TLN2: variants seen among roughly 807,000 people sequenced by gnomAD.
TLN2 encodes the protein talin-2.
TLN2 carries 118 observed loss-of-function variants against 294.7 expected under a neutral mutation model. The observed-to-expected ratio is 0.40, with a 90% CI of 0.34 to 0.47. The LOEUF (loss-of-function observed/expected upper bound fraction) is 0.47, where lower values mean the gene tolerates loss of function less well. Ranked by LOEUF, TLN2 falls within the 20% of genes least tolerant of loss-of-function variation. The pLI, the probability that TLN2 is intolerant of heterozygous loss-of-function variation, is 0.84. For synonymous variants in TLN2, 1,431 were observed against 1,304.5 expected (o/e 1.10, Z -2.09); for missense variants, 3,083 against 3,282.2 (o/e 0.94, Z 1.48).
At chr15:62,520,218 G>T (rs1457891662) in intron 1 of TLN2, among the ~76,000 whole-genome samples, 3 of 152,222 alleles carry the variant, frequency 2.0e-5, no homozygotes, top group Non-Finnish European at 4.4e-5. Context: ...CCATATCAGT[G>T]TCTAAAATCA....
At chr15:62,748,487 GTCTGTGTC>G in intron 33 of TLN2, 43 bp downstream of exon 33, 1 of 1,417,218 alleles carries the variant, frequency 7.1e-7, no homozygotes. Flanking sequence ...GAGAGGGAGT[GTCTGTGTC>G]TGTGTGTCTG....
At chr15:62,730,801 T>G (rs1246460624) in intron 28 of TLN2, among the ~76,000 whole-genome samples, 5 of 152,214 alleles carry the variant, frequency 3.3e-5, no homozygotes, top group Non-Finnish European at 7.3e-5. Context: ...TGGAGGAGTT[T>G]CCCTGCATAT....
rs201494830 is a variant in TLN2, at chr15:62,738,378, C to T, written c.3687+45C>T. On this transcript the variant is annotated intron_variant, in intron 30 of 58. Transcript: ENST00000636159. ...AGAAAGGACACTGGGGGACTAGGCTCGCGTTAGGTGTGAGTGAAGTCTTCT... is the reference window on the plus strand; with the variant it reads ...AGAAAGGACACTGGGGGACTAGGCTTGCGTTAGGTGTGAGTGAAGTCTTCT... 1.1e-4 allele frequency: 184 copies of T among 1,607,370 alleles called. 2 individuals carry two copies. Among genetic ancestry groups the T allele is most frequent in the Admixed American group, 8.0e-4 (48 of 59,676 alleles).
chr15:62,519,511 C>T (rs575393399), intron 1 of TLN2, among the ~76,000 whole-genome samples: 1 of 152,274 alleles, frequency 6.6e-6, no homozygotes, highest in South Asian at 2.1e-4. Context: ...ATAAGCTTAA[C>T]CTTGGAAGCT....
chr15:62,666,333 A>G (rs2054636714), intron 9 of TLN2, among the ~76,000 whole-genome samples: 1 of 152,160 alleles, frequency 6.6e-6, no homozygotes, highest in Admixed American at 6.5e-5. Flanking sequence ...CTTTTCCCTC[A>G]TGACTGGGAT....
intron 1 of TLN2, among the ~76,000 whole-genome samples, chr15:62,394,130 T>C (rs188903234): frequency 2.1e-4 from 32 of 152,340 alleles, no homozygotes; most frequent in African/African-American, 7.5e-4. Context: ...CTTGCATTTT[T>C]TTCCTTTTAA....
intron 23 of TLN2, 62 bp downstream of exon 23, chr15:62,716,521 G>A: frequency 6.5e-7 from 1 of 1,531,868 alleles, no homozygotes; most frequent in Admixed American, 2.2e-5. Context: ...TATTTGAAAA[G>A]ATAGTTGAAT....
At chr15:62,468,318 TTGGC>T (rs1283560368) in intron 1 of TLN2, among the ~76,000 whole-genome samples, 1 of 152,138 alleles carries the variant, frequency 6.6e-6, no homozygotes, top group Non-Finnish European at 1.5e-5. Context: ...GACAAGGGTG[TTGGC>T]TGTGGGGTCC....
chr15:62,588,132 C>G (rs539608218), intron 1 of TLN2, among the ~76,000 whole-genome samples: 47 of 152,142 alleles, frequency 3.1e-4, no homozygotes, highest in Non-Finnish European at 2.5e-4. Context: ...TGCCCGCCTT[C>G]GCCTCCCAAA....
intron 1 of TLN2, among the ~76,000 whole-genome samples, chr15:62,446,679 G>T (rs1274369163): frequency 2.8e-5 from 4 of 144,984 alleles, no homozygotes; most frequent in Non-Finnish European, 1.5e-5. Context: ...ACATTTTTTT[G>T]TATTCTAAGA....
intron 2 of TLN2, among the ~76,000 whole-genome samples, chr15:62,604,116 T>TA (rs2047217726): frequency 3.3e-5 from 5 of 152,182 alleles, no homozygotes; most frequent in Admixed American, 3.3e-4. Context: ...CTTAACCCTT[T>TA]AAAATTATAA....
rs2058435334 is a variant in TLN2, at chr15:62,697,593, A to C, written c.1293-95A>C. The stretch of plus-strand genomic sequence containing the variant: ...GCCTCTTTTAGTTGGCCTTCACAGC[A>C]TAAAGCAGGGAACATACGTGACATC... On this transcript the variant is annotated intron_variant, in intron 14 of 58. Coordinates refer to ENST00000636159, the MANE Select transcript of TLN2 (RefSeq NM_015059.3). 1.3e-5 allele frequency: 18 copies of C among 1,401,206 alleles called. No individual in the cohort carries two copies. In the South Asian group the frequency reaches 1.4e-4, roughly 11 times the overall value. The allele number at this position is 1,401,206 out of a possible 1,614,324, so 86.8% of individuals were successfully genotyped here.
chr15:62,597,926 TG>T (rs1357945288), intron 2 of TLN2, among the ~76,000 whole-genome samples: 11 of 152,348 alleles, frequency 7.2e-5, no homozygotes, highest in African/African-American at 2.4e-4. Flanking sequence ...ATTTTCCACT[TG>T]TGGTGTCTTG....
rs754119060 is a variant in TLN2, at chr15:62,707,153, A to G, written c.2072A>G (p.Asn691Ser). 6.2e-7 allele frequency: 1 copy of G among 1,614,244 alleles called. No individual in the cohort carries two copies. Among genetic ancestry groups the G allele is most frequent in the Non-Finnish European group, 8.5e-7 (1 of 1,180,034 alleles). Residue 691 changes from asparagine (N) to serine (S), a missense_variant, in exon 20 of 59, where the codon AAT becomes AGT. Asn to Ser is a conservative substitution (Grantham distance 46, BLOSUM62 1). Coordinates refer to ENST00000636159, the MANE Select transcript of TLN2 (RefSeq NM_015059.3). ...AAAMLVLKAK[N>S]VAQVAEDTVL... ...GCCATGTTGGTACTAAAGGCAAAGA[A>G]TGTTGCCCAAGTGGCCGAAGACACT...
intron 51 of TLN2, among the ~76,000 whole-genome samples, chr15:62,806,385 T>C (rs1241452716): frequency 6.6e-6 from 1 of 152,004 alleles, no homozygotes; most frequent in Non-Finnish European, 1.5e-5. Context: ...CCGAGGGTGG[T>C]GGATAGGGAT....
chr15:62,622,738 T>C (rs532773957), intron 3 of TLN2, among the ~76,000 whole-genome samples: 3 of 152,358 alleles, frequency 2.0e-5, no homozygotes, highest in African/African-American at 7.2e-5. Flanking sequence ...ACATTGATTT[T>C]GTTTTGTTTT....
chr15:62,398,346 C>A (rs2032734035), intron 1 of TLN2, among the ~76,000 whole-genome samples: 1 of 152,166 alleles, frequency 6.6e-6, no homozygotes, highest in Admixed American at 6.5e-5. Flanking sequence ...CTGCCCCCTG[C>A]CCCAGCCATG....
intron 3 of TLN2, among the ~76,000 whole-genome samples, chr15:62,636,027 G>A (rs1379283204): frequency 6.6e-6 from 1 of 152,116 alleles, no homozygotes; most frequent in East Asian, 1.9e-4. Context: ...GGGTTATGTT[G>A]AGGATTCAGT....
At position 62,702,155 on chromosome 15, in the gene TLN2, G is replaced by A; in HGVS notation, c.1860G>A (p.Gly620=). The change falls in exon 18 of 59, where the codon GGG becomes GGA. Residue 620 remains glycine, a synonymous_variant. Coordinates refer to ENST00000636159, the MANE Select transcript of TLN2 (RefSeq NM_015059.3). ...DLLRAARTLA[G]AVSDLLKAVQ... is the part of the protein sequence containing the mutation. ...TCAGAGCTGCCAGGACCCTCGCTGG[G>A]GCGGTGTCAGACTTGCTGAAAGCTG... The A allele has an allele frequency of 6.2e-7, 1 of 1,612,024 alleles. No homozygotes were observed. The highest frequency in any genetic ancestry group is 8.5e-7 in the Non-Finnish European group (1 of 1,179,128).
Sources: gnomAD v4.1 joint callset for allele counts (sites outside exome capture counted in the v4.1 genomes callset) on GRCh38, gnomAD v4.1.1 for gene constraint, MANE v1.5 for transcripts, NCBI Gene and HGNC (gene_info 2026-07-23, HGNC 2026-07-21) for gene names.